CEP112: variants seen among roughly 807,000 people sequenced by gnomAD.
CEP112 encodes centrosomal protein of 112 kDa.
CEP112 carries 127 observed loss-of-function variants against 153.0 expected under a neutral mutation model. That is an observed-to-expected ratio of 0.83 (90% CI 0.72 to 0.96). The LOEUF (loss-of-function observed/expected upper bound fraction) is 0.96, where lower values mean the gene tolerates loss of function less well. CEP112 is among the 40% of genes least tolerant of loss of function. CEP112 has a pLI of 0.00. For missense variants in CEP112, 1,089 were observed against 1,101.2 expected (o/e 0.99, Z 0.16); for synonymous variants, 358 against 374.4 (o/e 0.96, Z 0.51).
intron 19 of CEP112, among the ~76,000 whole-genome samples, chr17:65,915,508 G>T (rs28539922): frequency 0.18 from 27,885 of 152,004 alleles, 2,759 homozygotes; most frequent in Admixed American, 0.28. Context: ...AAACTAGGCC[G>T]GGTGCAGTAG....
intron 21 of CEP112, among the ~76,000 whole-genome samples, chr17:65,850,384 G>A (rs2057886633): frequency 6.6e-6 from 1 of 151,886 alleles, no homozygotes; most frequent in African/African-American, 2.4e-5. Context: ...TGCTGCCCGT[G>A]ACTGTTCCAC....
At chr17:66,114,551 C>T (rs1225928736) in intron 6 of CEP112, among the ~76,000 whole-genome samples, 1 of 152,156 alleles carries the variant, frequency 6.6e-6, no homozygotes, top group Non-Finnish European at 1.5e-5. Flanking sequence ...AGTGCCAAAA[C>T]TCTCTCCATA....
At chr17:66,117,233 G>C (rs1394752036) in intron 6 of CEP112, among the ~76,000 whole-genome samples, 1 of 151,852 alleles carries the variant, frequency 6.6e-6, no homozygotes, top group African/African-American at 2.4e-5. Flanking sequence ...GTAACTCTAG[G>C]TGAATCATGA....
chr17:65,774,531 G>A (rs909668582), intron 21 of CEP112, among the ~76,000 whole-genome samples: 3 of 152,196 alleles, frequency 2.0e-5, no homozygotes, highest in African/African-American at 7.2e-5. Flanking sequence ...ACTGCCCCCT[G>A]ACCACACACA....
In CEP112 at chr17:65,826,200, C is replaced by G. The variant is rs114616764; in HGVS notation, c.2394+25604G>C. The stretch of plus-strand genomic sequence containing the variant: ...AGAGGCTTCAAACTTCCTGCCTGCT[C>G]TGTCTTGGGGACATTACCATTCTCT... On this transcript the variant is annotated intron_variant, in intron 21 of 26. Transcript: ENST00000535342. 1.4e-4 allele frequency: 222 copies of G among 1,614,238 alleles called. 1 individual carries two copies. In the African/African-American group the frequency reaches 2.7e-3, roughly 20 times the overall value.
chr17:66,133,468 C>T (rs553917499), intron 4 of CEP112, among the ~76,000 whole-genome samples: 5 of 152,182 alleles, frequency 3.3e-5, no homozygotes, highest in Non-Finnish European at 7.4e-5. Context: ...TATTTAAAAA[C>T]ACACCATGTT....
intron 21 of CEP112, among the ~76,000 whole-genome samples, chr17:65,844,245 G>A (rs998033538): frequency 6.6e-6 from 1 of 152,246 alleles, no homozygotes; most frequent in African/African-American, 2.4e-5. Flanking sequence ...CTCTACTGAA[G>A]TAAATATACA....
chr17:65,781,748 T>C (rs187900844), intron 21 of CEP112, among the ~76,000 whole-genome samples: 1 of 152,114 alleles, frequency 6.6e-6, no homozygotes, highest in Non-Finnish European at 1.5e-5. Context: ...AAATAAGCAA[T>C]GGGGAAAGAA....
intron 24 of CEP112, among the ~76,000 whole-genome samples, chr17:65,651,180 C>A (rs150255858): frequency 1.3e-5 from 2 of 152,134 alleles, no homozygotes; most frequent in South Asian, 4.1e-4. Flanking sequence ...CGAGTGAGAA[C>A]ATATGGTGTT....
At chr17:65,919,923 G>C (rs2060639780) in intron 19 of CEP112, among the ~76,000 whole-genome samples, 1 of 152,232 alleles carries the variant, frequency 6.6e-6, no homozygotes, top group South Asian at 2.1e-4. Context: ...GTCAAGGGCA[G>C]GCCTCAGGTT....
intron 20 of CEP112, among the ~76,000 whole-genome samples, chr17:65,878,329 T>C (rs558994055): frequency 7.9e-5 from 12 of 152,308 alleles, no homozygotes; most frequent in African/African-American, 2.9e-4. Flanking sequence ...ATCTTAAACA[T>C]ATAAAGCTAT....
intron 24 of CEP112, among the ~76,000 whole-genome samples, chr17:65,664,488 T>C (rs2046582306): frequency 6.6e-6 from 1 of 152,150 alleles, no homozygotes; most frequent in Non-Finnish European, 1.5e-5. Context: ...TTTAGGAAGA[T>C]TGCCCAGATG....
chr17:65,754,506 G>A (rs771074872), intron 21 of CEP112, among the ~76,000 whole-genome samples: 27 of 152,202 alleles, frequency 1.8e-4, no homozygotes, highest in Non-Finnish European at 3.7e-4. Flanking sequence ...CTACTTGGGA[G>A]GGTGAAGCAA....
chr17:65,836,705 T>C (rs892385680), intron 21 of CEP112, among the ~76,000 whole-genome samples: 5 of 152,200 alleles, frequency 3.3e-5, no homozygotes, highest in Non-Finnish European at 7.3e-5. Flanking sequence ...CATTCCACTT[T>C]CAGAATGGAC....
intron 24 of CEP112, among the ~76,000 whole-genome samples, chr17:65,677,870 G>A (rs141135501): frequency 3.2e-4 from 48 of 152,226 alleles, no homozygotes; most frequent in South Asian, 4.1e-4. Context: ...CCAAGATTGC[G>A]CCACTGCACT....
chr17:65,944,656 C>T (rs1220159797), intron 18 of CEP112, among the ~76,000 whole-genome samples: 1 of 151,986 alleles, frequency 6.6e-6, no homozygotes, highest in Non-Finnish European at 1.5e-5. Flanking sequence ...GTGGAGTGAC[C>T]ATGGCTCACT....
chr17:65,635,889 T>C lies in CEP112; in HGVS notation c.*82A>G. 6.9e-7 allele frequency: 1 copy of C among 1,443,528 alleles called. No individual in the cohort carries two copies. The highest frequency in any genetic ancestry group is 9.5e-7 in the Non-Finnish European group (1 of 1,047,418). The allele number at this position is 1,443,528 out of a possible 1,614,324, so 89.4% of individuals were successfully genotyped here. The stretch of plus-strand genomic sequence containing the variant: ...AAAAAATGCCACTGATCTCACAGTT[T>C]ACAATATCCAAATCTTCAAACCTGC... On this transcript the variant is annotated 3_prime_UTR_variant, in exon 27 of 27. Coordinates refer to ENST00000535342, the MANE Select transcript of CEP112 (RefSeq NM_001199165.4).
At chr17:65,735,405 A>G (rs188666959) in intron 23 of CEP112, among the ~76,000 whole-genome samples, 1 of 152,292 alleles carries the variant, frequency 6.6e-6, no homozygotes, top group East Asian at 1.9e-4. Context: ...GAAGTGCTTC[A>G]TGTGTACTTC....
chr17:66,027,405 T>C, intron 16 of CEP112, 96 bp downstream of exon 16: 1 of 1,131,736 alleles, frequency 8.8e-7, no homozygotes, highest in Non-Finnish European at 1.2e-6. Context: ...CAAGTTGTTC[T>C]TTAAAGGTGA....
Sources: gnomAD v4.1 joint callset for allele counts (sites outside exome capture counted in the v4.1 genomes callset) on GRCh38, gnomAD v4.1.1 for gene constraint, MANE v1.5 for transcripts, NCBI Gene and HGNC (gene_info 2026-07-23, HGNC 2026-07-21) for gene names.